The following KIRREL1 variants were observed in gnomAD, a reference collection of about 807,000 sequenced individuals.
KIRREL1 encodes kin of IRRE-like protein 1.
A neutral mutation model predicts 83.3 loss-of-function variants in KIRREL1; 25 were observed. The ratio of observed to expected loss-of-function variants is 0.30; its 90% CI spans 0.22 to 0.42. The LOEUF (loss-of-function observed/expected upper bound fraction) is 0.42. Among genes scored for constraint, KIRREL1 ranks in the 10% least tolerant of loss-of-function variants. KIRREL1 has a pLI of 1.00. For synonymous variants in KIRREL1, 388 were observed against 410.4 expected (o/e 0.95, Z 0.66); for missense variants, 812 against 1,032.3 (o/e 0.79, Z 2.92).
At chr1:158,062,070 G>T (rs1661227258) in intron 1 of KIRREL1, among the ~76,000 whole-genome samples, 1 of 152,172 alleles carries the variant, frequency 6.6e-6, no homozygotes, top group Non-Finnish European at 1.5e-5. Context: ...TTCTCCATGT[G>T]CCCACACCAC....
At chr1:158,039,159 A>G (rs764860319) in intron 1 of KIRREL1, among the ~76,000 whole-genome samples, 1 of 152,186 alleles carries the variant, frequency 6.6e-6, no homozygotes, top group African/African-American at 2.4e-5. Context: ...ACCCCTTCCC[A>G]GGCCCAGCCT....
chr1:158,093,288 T>C, intron 11 of KIRREL1, 51 bp from the exon 12 acceptor site: 1 of 1,480,566 alleles, frequency 6.8e-7, no homozygotes, highest in Non-Finnish European at 9.4e-7. Flanking sequence ...TGAGCTTAGC[T>C]CCCAGTATAA....
In KIRREL1 at chr1:158,091,346, T is replaced by A. The variant is rs1364358036; in HGVS notation, c.1273-12T>A. The A allele has an allele frequency of 6.2e-7, 1 of 1,611,292 alleles. No homozygotes were observed. The highest frequency in any genetic ancestry group is 8.5e-7 in the Non-Finnish European group (1 of 1,178,308). On this transcript the variant is annotated splice_polypyrimidine_tract_variant and intron_variant, in intron 10 of 14. Transcript: ENST00000359209. The stretch of plus-strand genomic sequence containing the variant: ...CCCCTTTCTTACCTTCTTCCTTCCC[T>A]CTCCACCACAGGCATGGGCCTGGAA...
At chr1:158,080,099 A>G (rs1396197505) in intron 3 of KIRREL1, among the ~76,000 whole-genome samples, 1 of 152,144 alleles carries the variant, frequency 6.6e-6, no homozygotes, top group East Asian at 1.9e-4. Context: ...TCCCTCACTG[A>G]GGTGTGTCAG....
chr1:158,027,081 C>G (rs777590502), intron 1 of KIRREL1, among the ~76,000 whole-genome samples: 11 of 152,180 alleles, frequency 7.2e-5, no homozygotes, highest in Admixed American at 2.0e-4. Context: ...GACTGTCCCC[C>G]ACTTCCAATA....
intron 1 of KIRREL1, among the ~76,000 whole-genome samples, chr1:157,994,416 A>AGGGGGGGGGGGGGGGGGGGGG (rs1397213870): frequency 1.0e-4 from 1 of 9,992 alleles, no homozygotes. Flanking sequence ...GCGGGGGCAG[A>AGGGGGGGGGGGGGGGGGGGGG]GGCGGTGGGG....
At chr1:158,011,469 G>A (rs1463932997) in intron 1 of KIRREL1, among the ~76,000 whole-genome samples, 2 of 152,314 alleles carry the variant, frequency 1.3e-5, no homozygotes, top group African/African-American at 4.8e-5. Context: ...GAAGCCTAGC[G>A]GCTGGTGCCT....
At chr1:158,059,607 T>C (rs1445278511) in intron 1 of KIRREL1, among the ~76,000 whole-genome samples, 1 of 152,066 alleles carries the variant, frequency 6.6e-6, no homozygotes, top group Non-Finnish European at 1.5e-5. Flanking sequence ...AGATTGGGGT[T>C]AGGAAAGTGG....
intron 1 of KIRREL1, among the ~76,000 whole-genome samples, chr1:158,062,932 T>A (rs12120913): frequency 0.057 from 8,654 of 152,304 alleles, 385 homozygotes; most frequent in Non-Finnish European, 0.078. Flanking sequence ...CAGAGAAATG[T>A]CCAGAAAGAG....
At chr1:158,076,021 C>T (rs1661669824) in intron 1 of KIRREL1, 92 bp from the exon 2 acceptor site, 8 of 1,218,834 alleles carry the variant, frequency 6.6e-6, no homozygotes, top group Admixed American at 4.8e-5. Flanking sequence ...CAACTGGAGG[C>T]TCTCCCTCCT....
intron 1 of KIRREL1, among the ~76,000 whole-genome samples, chr1:158,011,534 G>T (rs1044170632): frequency 9.8e-5 from 15 of 152,330 alleles, no homozygotes; most frequent in African/African-American, 2.9e-4. Flanking sequence ...CTGCCCTGTG[G>T]GAGGGGTTGG....
chr1:158,084,002 C>T (rs1397326359), intron 3 of KIRREL1, among the ~76,000 whole-genome samples: 6 of 152,018 alleles, frequency 3.9e-5, no homozygotes, highest in South Asian at 2.1e-4. Context: ...CAGTGGTGGG[C>T]GCCTATAATC....
rs1553238087 is a variant in KIRREL1, at chr1:158,029,366, T to TGTGTGTGTGTGCGCGCGCGC, written c.52+35639_52+35640insTGTGTGTGTGCGCGCGCGCG. On this transcript the variant is annotated intron_variant, in intron 1 of 14. Coordinates refer to ENST00000359209, the MANE Select transcript of KIRREL1 (RefSeq NM_018240.7). ...GTGTGTGTGTGTGTGTGTGTGTGTG[T>TGTGTGTGTGTGCGCGCGCGC]GCACGTGCGCGCGCATGCACACATG... Among the ~76,000 whole-genome samples the TGTGTGTGTGTGCGCGCGCGC allele has an allele frequency of 2.0e-5, 3 of 148,926 alleles. 1 individual carries two copies. Among genetic ancestry groups the TGTGTGTGTGTGCGCGCGCGC allele is most frequent in the African/African-American group, 7.5e-5 (3 of 40,000 alleles).
chr1:158,025,319 G>A (rs1489975368), intron 1 of KIRREL1, among the ~76,000 whole-genome samples: 1 of 152,114 alleles, frequency 6.6e-6, no homozygotes, highest in African/African-American at 2.4e-5. Flanking sequence ...AGTAAGAAAA[G>A]GGGAAAGAGA....
intron 1 of KIRREL1, among the ~76,000 whole-genome samples, chr1:158,017,115 C>G (rs1398249866): frequency 2.0e-5 from 3 of 152,198 alleles, no homozygotes; most frequent in South Asian, 2.1e-4. Context: ...CTGCGAGCTC[C>G]CTTTCCTGCG....
intron 1 of KIRREL1, among the ~76,000 whole-genome samples, chr1:158,041,761 C>T (rs1570942132): frequency 1.3e-5 from 2 of 152,268 alleles, no homozygotes; most frequent in Admixed American, 1.3e-4. Context: ...ACAAGTCTCC[C>T]CTCTGGTTTG....
intron 1 of KIRREL1, among the ~76,000 whole-genome samples, chr1:158,050,926 A>G (rs1371974221): frequency 2.0e-5 from 3 of 152,212 alleles, no homozygotes; most frequent in Non-Finnish European, 4.4e-5. Context: ...CTCACTATCT[A>G]CACTTTACCA....
At chr1:158,011,524 C>A (rs1024324799) in intron 1 of KIRREL1, among the ~76,000 whole-genome samples, 6 of 152,170 alleles carry the variant, frequency 3.9e-5, no homozygotes, top group African/African-American at 1.4e-4. Flanking sequence ...TCTCTCAAGG[C>A]TGCCCTGTGG....
chr1:158,004,875 C>G lies in KIRREL1; in HGVS notation c.52+11147C>G, dbSNP rs193293709. On this transcript the variant is annotated intron_variant, in intron 1 of 14. Transcript: ENST00000359209. ...GGGAGGATCACTTGAACCCAGGAGG[C>G]GGAGGTTGCAGTGAGTGGAGATGGT... is the stretch of plus-strand genomic sequence containing the variant. Among the ~76,000 whole-genome samples the G allele has an allele frequency of 5.2e-3, 798 of 152,240 alleles. 5 individuals are homozygous for G. Among genetic ancestry groups the G allele is most frequent in the African/African-American group, 0.018 (751 of 41,548 alleles).
Sources: allele counts gnomAD v4.1 joint callset (sites outside exome capture counted in the v4.1 genomes callset), GRCh38; gene constraint gnomAD v4.1.1; transcripts MANE v1.5; gene names NCBI Gene and HGNC (gene_info 2026-07-23, HGNC 2026-07-21).